The following RORC variants were observed in gnomAD, a reference collection of about 807,000 sequenced individuals.
The protein encoded by RORC is nuclear receptor ROR-gamma.
A neutral mutation model predicts 64.5 loss-of-function variants in RORC; 13 were observed. The observed-to-expected ratio is 0.20, with a 90% CI of 0.13 to 0.32. RORC has a LOEUF of 0.32. Among genes scored for constraint, RORC ranks in the 10% least tolerant of loss-of-function variants. The pLI, the probability that RORC is intolerant of heterozygous loss-of-function variation, is 1.00. For missense variants in RORC, 468 were observed against 669.5 expected, an observed-to-expected ratio of 0.70 and a Z score of 3.32; for synonymous variants, 277 against 259.3, an observed-to-expected ratio of 1.07 and a Z score of -0.65.
rs1453509874 is a variant in RORC, at chr1:151,830,276, G to A, written c.41-818C>T. ...CTGGGTGGAGATTGGGCAGTAGGGA[G>A]CATGAGTGGGTCGATGGGGGTCACA... On this transcript the variant is annotated intron_variant, in intron 1 of 10. Coordinates refer to ENST00000318247, the MANE Select transcript of RORC (RefSeq NM_005060.4). The surrounding 1 kb of genome is among the most constrained non-coding windows in gnomAD (Gnocchi z 4.0). 6.6e-6 allele frequency among the ~76,000 whole-genome samples: 1 copy of A among 152,022 alleles called. No individual in the cohort carries two copies. The highest frequency in any genetic ancestry group is 1.5e-5 in the Non-Finnish European group (1 of 68,016).
chr1:151,818,815 C>A (rs917760141), intron 2 of RORC, among the ~76,000 whole-genome samples: 1 of 152,222 alleles, frequency 6.6e-6, no homozygotes, highest in Non-Finnish European at 1.5e-5. Flanking sequence ...CAGTCCCTGG[C>A]CTGGACACTG....
At chr1:151,812,698 T>G (rs1309480334) in intron 9 of RORC, 1 of 379,960 alleles carries the variant, frequency 2.6e-6, no homozygotes, top group Admixed American at 4.4e-5. Flanking sequence ...GGAAAGTGGC[T>G]CATTTCCTCT....
intron 2 of RORC, among the ~76,000 whole-genome samples, chr1:151,822,509 A>G (rs1558168767): frequency 6.6e-6 from 1 of 152,152 alleles, no homozygotes; most frequent in Non-Finnish European, 1.5e-5. Flanking sequence ...CCAGCCAGCC[A>G]CCCGAAACCC....
At chr1:151,817,403 C>G (rs1651806475) in intron 2 of RORC, 123 bp from the exon 3 acceptor site, 2 of 672,826 alleles carry the variant, frequency 3.0e-6, no homozygotes, top group Non-Finnish European at 5.3e-6. Flanking sequence ...CTCCAGCTTG[C>G]TGTTTCCCTC....
At position 151,813,249 on chromosome 1, in the gene RORC, G is replaced by A. The variant is rs773973481; in HGVS notation, c.1164C>T (p.Phe388=). 18 of 1,613,796 alleles carry A rather than the reference G, an allele frequency of 1.1e-5. No homozygotes were observed. The highest frequency in any genetic ancestry group is 1.5e-5 in the Non-Finnish European group (18 of 1,179,728). Residue 388 remains phenylalanine (F), a synonymous_variant, in exon 8 of 11, where the codon TTC becomes TTT. Transcript: ENST00000318247. ...FEGKYGGMEL[F]RALGCSELIS... Reference sequence around the variant, plus strand: ...CTCCCTGCCCCTCACCCAAGGCTCGGAACAGCTCCATGCCACCGTATTTGC... The same window carrying A: ...CTCCCTGCCCCTCACCCAAGGCTCGAAACAGCTCCATGCCACCGTATTTGC...
intron 2 of RORC, among the ~76,000 whole-genome samples, chr1:151,827,519 TC>T (rs1325965504): frequency 2.6e-5 from 4 of 152,026 alleles, no homozygotes; most frequent in South Asian, 2.1e-4. Flanking sequence ...TCTGGGGAGT[TC>T]CCCCGGGTTC....
At chr1:151,811,304 T>C in intron 10 of RORC, 21 bp downstream of exon 10, 1 of 1,537,380 alleles carries the variant, frequency 6.5e-7, no homozygotes, top group African/African-American at 1.4e-5. Context: ...TGGCCTCTTC[T>C]ACCCCAGGGA....
intron 4 of RORC, among the ~76,000 whole-genome samples, chr1:151,816,112 A>G (rs1053174107): frequency 2.6e-5 from 4 of 152,024 alleles, no homozygotes; most frequent in African/African-American, 9.7e-5. Context: ...GCTCCACCCT[A>G]GGCTCCTTCT....
chr1:151,823,363 T>G (rs1175710295), intron 2 of RORC, among the ~76,000 whole-genome samples: 1 of 152,196 alleles, frequency 6.6e-6, no homozygotes, highest in Non-Finnish European at 1.5e-5. Flanking sequence ...GGCCATGCCC[T>G]TAGGGGAAGA....
At chr1:151,812,883 T>G (rs1171722513) in intron 9 of RORC, 64 bp downstream of exon 9, 4 of 1,057,976 alleles carry the variant, frequency 3.8e-6, no homozygotes, top group Non-Finnish European at 5.8e-6. Flanking sequence ...GTCTAGACTC[T>G]TCTTCAATAT....
rs750121095 is a variant in RORC at position 151,815,034 on chromosome 1, T to G, written c.690A>C (p.Gly230=). 1 of 1,614,146 alleles carries G rather than the reference T, an allele frequency of 6.2e-7. No homozygotes were observed. The highest frequency in any genetic ancestry group is 1.1e-5 in the South Asian group (1 of 91,086). Residue 230 remains glycine, a synonymous_variant, in exon 5 of 11, where the codon GGA becomes GGC. Coordinates refer to ENST00000318247, the MANE Select transcript of RORC (RefSeq NM_005060.4). ...TGSQLTPDRC[G]LRFEEHRHPG... Reference sequence around the variant, plus strand: ...GATGCCTGTGTTCCTCAAAACGAAGTCCACATCGGTCAGGGGTCAGCTGGC... The same window carrying G: ...GATGCCTGTGTTCCTCAAAACGAAGGCCACATCGGTCAGGGGTCAGCTGGC...
intron 2 of RORC, among the ~76,000 whole-genome samples, chr1:151,819,610 A>C (rs1651906061): frequency 6.6e-6 from 1 of 152,190 alleles, no homozygotes; most frequent in Non-Finnish European, 1.5e-5. Context: ...CTGGCCCAGC[A>C]GTCAACCACA....
chr1:151,811,296 G>A lies in RORC; in HGVS notation c.1395+29C>T, dbSNP rs1385061166. The A allele has an allele frequency of 1.1e-5, 16 of 1,463,028 alleles. No individual in the cohort carries two copies. The Admixed American group carries it at 2.4e-4, about 22-fold the overall frequency. 90.6% of individuals were successfully genotyped at this position (1,463,028 alleles called of 1,614,324 possible). A position where few individuals can be genotyped will look rare whatever the true frequency, so the allele number is the denominator to read the frequency against. On this transcript the variant is annotated intron_variant, in intron 10 of 10. Transcript: ENST00000318247. ...TGTTACAGAGCTAGCGATGGGCCTGGCCTCTTCTACCCCAGGGACTGCTCC... is the reference window on the plus strand; with the variant it reads ...TGTTACAGAGCTAGCGATGGGCCTGACCTCTTCTACCCCAGGGACTGCTCC...
In RORC at chr1:151,830,981, C is replaced by A; in HGVS notation, c.40+744G>T. ...TGGCCCTGGAGCTTGGTGGCTCTGG[C>A]CCTCAAACTTTCCTCCTCCATGCTC... On this transcript the variant is annotated intron_variant, in intron 1 of 10. Coordinates refer to ENST00000318247, the MANE Select transcript of RORC (RefSeq NM_005060.4). The surrounding 1 kb of genome is among the most constrained non-coding windows in gnomAD (Gnocchi z 4.0). 6.2e-6 allele frequency: 8 copies of A among 1,289,322 alleles called. No homozygotes were observed. The highest frequency in any genetic ancestry group is 7.1e-6 in the Non-Finnish European group (7 of 988,804). The allele number at this position is 1,289,322 out of a possible 1,614,324, so 79.9% of individuals were successfully genotyped here.
intron 3 of RORC, 121 bp downstream of exon 3, chr1:151,817,074 A>T: frequency 1.2e-6 from 1 of 840,422 alleles, no homozygotes; most frequent in Non-Finnish European, 1.9e-6. Context: ...GAGTCAGAAC[A>T]AAGGCCATTA....
chr1:151,816,517 A>G, intron 4 of RORC, 147 bp downstream of exon 4: 1 of 810,292 alleles, frequency 1.2e-6, no homozygotes, highest in Non-Finnish European at 1.8e-6. Flanking sequence ...CCTGGAGGGG[A>G]GGAGACAAGG....
chr1:151,827,010 C>T (rs1652220448), intron 2 of RORC, among the ~76,000 whole-genome samples: 1 of 152,122 alleles, frequency 6.6e-6, no homozygotes, highest in South Asian at 2.1e-4. Context: ...CCCAGCTACT[C>T]AGGGGGCTGA....
At chr1:151,814,852 G>C (rs1651693756) in intron 5 of RORC, 61 bp downstream of exon 5, 3 of 1,572,198 alleles carry the variant, frequency 1.9e-6, no homozygotes, top group Non-Finnish European at 2.6e-6. Flanking sequence ...GATTGATACG[G>C]GGTACTGGTG....
Position 151,830,571 on chromosome 1 carries a change from C to T in RORC, c.41-1113G>A, listed in dbSNP as rs79597994. Among the ~76,000 whole-genome samples the T allele has an allele frequency of 0.019, 2,817 of 150,476 alleles. 41 individuals are homozygous for T. Among genetic ancestry groups the T allele is most frequent in the Middle Eastern group, 0.037 (11 of 294 alleles). On this transcript the variant is annotated intron_variant, in intron 1 of 10. Coordinates refer to ENST00000318247, the MANE Select transcript of RORC (RefSeq NM_005060.4). The surrounding 1 kb of genome is among the most constrained non-coding windows in gnomAD (Gnocchi z 4.0). ...CCCCTATAGCTTCCCTAACCTCTGA[C>T]TCTATTCTGTTATTTTTTTCCTTCT...
Sources: gnomAD v4.1 joint callset for allele counts (sites outside exome capture counted in the v4.1 genomes callset) on GRCh38, gnomAD v4.1.1 for gene constraint, Gnocchi (gnomAD v3.1) non-coding constraint, MANE v1.5 for transcripts, NCBI Gene and HGNC (gene_info 2026-07-23, HGNC 2026-07-21) for gene names.